Variants in CLASRP observed in about 807,000 individuals in gnomAD.
The protein encoded by CLASRP is CLK4 associating serine/arginine rich protein.
CLASRP carries 52 observed loss-of-function variants against 99.9 expected under a neutral mutation model. The ratio of observed to expected loss-of-function variants is 0.52; its 90% CI spans 0.42 to 0.66. The LOEUF is 0.66. Ranked by LOEUF, CLASRP falls within the 30% of genes least tolerant of loss-of-function variation. The pLI is 0.00. For synonymous variants in CLASRP, 379 were observed against 373.0 expected, an observed-to-expected ratio of 1.02 and a Z score of -0.18; for missense variants, 848 against 999.2, an observed-to-expected ratio of 0.85 and a Z score of 2.04.
chr19:45,062,071 C>T (rs1440805318), intron 10 of CLASRP, 83 bp from the exon 11 acceptor site: 1 of 869,802 alleles, frequency 1.1e-6, no homozygotes, highest in African/African-American at 1.6e-5. Context: ...GCTTTGGGTC[C>T]TCAGGTTGGC....
intron 2 of CLASRP, among the ~76,000 whole-genome samples, chr19:45,042,259 G>A (rs1971826547): frequency 6.6e-6 from 1 of 152,170 alleles, no homozygotes; most frequent in South Asian, 2.1e-4. Flanking sequence ...GAGGTGCTCT[G>A]AGCAATGAAG....
At chr19:45,043,945 G>T (rs1346662996) in intron 2 of CLASRP, among the ~76,000 whole-genome samples, 12 of 151,824 alleles carry the variant, frequency 7.9e-5, no homozygotes, top group Admixed American at 7.2e-4. Flanking sequence ...GCAGTGGCAC[G>T]ATCTCGGCTC....
chr19:45,054,950 G>C (rs1358943742), intron 5 of CLASRP, among the ~76,000 whole-genome samples: 1 of 152,142 alleles, frequency 6.6e-6, no homozygotes, highest in Non-Finnish European at 1.5e-5. Context: ...TAAAATCAGA[G>C]GCTGCCAAAA....
rs1972036608 is a variant in CLASRP, at chr19:45,052,178, A to T, written c.197+10A>T. 2.5e-6 allele frequency: 4 copies of T among 1,611,182 alleles called. No homozygotes were observed. In the East Asian group the frequency reaches 8.9e-5, roughly 36 times the overall value. On this transcript the variant is annotated intron_variant, in intron 3 of 20. Coordinates refer to ENST00000221455, the MANE Select transcript of CLASRP (RefSeq NM_007056.3). ...AGAGCCCTGTTAATATGTAAGACTG[A>T]TATGGAAGGCAGGGGAGTGTCTGAA...
chr19:45,063,976 G>T (rs745836255), intron 11 of CLASRP, 36 bp from the exon 12 acceptor site: 2 of 1,569,698 alleles, frequency 1.3e-6, no homozygotes, highest in Admixed American at 1.9e-5. Flanking sequence ...GGCTCCGGGA[G>T]CCTGAGCTAG....
intron 2 of CLASRP, among the ~76,000 whole-genome samples, chr19:45,041,923 C>T (rs1971820957): frequency 1.3e-5 from 2 of 152,252 alleles, no homozygotes; most frequent in Admixed American, 6.5e-5. Context: ...TGGTTAACTA[C>T]TGCTTATCTG....
In CLASRP at chr19:45,064,325, T is replaced by A; in HGVS notation, c.1122-18T>A. 1 of 1,518,096 alleles carries A rather than the reference T, an allele frequency of 6.6e-7. No individual in the cohort carries two copies. 94.0% of individuals were successfully genotyped at this position (1,518,096 alleles called of 1,614,324 possible). Reference sequence around the variant, plus strand: ...GGCTCAGGCCTGCGCTGACCGGCCCTCCGTGCCCCGCCTGCAGCCGCCGCT... The same window carrying A: ...GGCTCAGGCCTGCGCTGACCGGCCCACCGTGCCCCGCCTGCAGCCGCCGCT... On this transcript the variant is annotated intron_variant, in intron 12 of 20. Transcript: ENST00000221455.
Position 45,069,254 on chromosome 19 carries a change from A to T in CLASRP, c.1874+6A>T, listed in dbSNP as rs974212695. 6 of 1,612,650 alleles carry T rather than the reference A, an allele frequency of 3.7e-6. No individual in the cohort carries two copies. The African/African-American group carries it at 4.0e-5, about 11-fold the overall frequency. On this transcript the variant is annotated splice_donor_region_variant and intron_variant, in intron 18 of 20. Coordinates refer to ENST00000221455, the MANE Select transcript of CLASRP (RefSeq NM_007056.3). ...GCCCGCAAGATCCGCATGAAGTAAG[A>T]CCTTGCCCCTCCCTGTCCCATGGCC...
rs1370503167 is a variant in CLASRP, at chr19:45,064,151, T to A, written c.1045T>A (p.Ser349Thr). The A allele has an allele frequency of 1.2e-6, 2 of 1,611,162 alleles. No homozygotes were observed. The highest frequency in any genetic ancestry group is 1.3e-5 in the African/African-American group (1 of 74,852). Residue 349 changes from serine to threonine, a missense_variant, in exon 12 of 21, where the codon TCA becomes ACA. Ser to Thr is a moderately conservative substitution (Grantham distance 58). Transcript: ENST00000221455. ...AAAAAAAAAA[S>T]GVTTGKPPAP... ...CGCAGCCGCTGCTGCCGCAGCAGCATCAGGAGTCACCACAGGGAAGCCCCC... is the reference window on the plus strand; with the variant it reads ...CGCAGCCGCTGCTGCCGCAGCAGCAACAGGAGTCACCACAGGGAAGCCCCC...
At chr19:45,063,434 A>ATTTTTTTTTTTTTTT (rs1600110419) in intron 11 of CLASRP, among the ~76,000 whole-genome samples, 2 of 54,958 alleles carry the variant, frequency 3.6e-5, no homozygotes, top group Non-Finnish European at 8.0e-5. Context: ...AGATCTGCTT[A>ATTTTTTTTTTTTTTT]TCTTTTTTTT....
Position 45,056,459 on chromosome 19 carries a change from A to T in CLASRP, c.389A>T (p.Glu130Val), listed in dbSNP as rs753949938. The change falls in exon 6 of 21, where the codon GAG becomes GTG. Residue 130 changes from glutamate to valine, a missense_variant. By Grantham distance (121) the Glu-to-Val change is moderately radical. Coordinates refer to ENST00000221455, the MANE Select transcript of CLASRP (RefSeq NM_007056.3). Reference protein sequence around the residue: ...VQNDFAGISEEQCLYQIYIDE... With the variant: ...VQNDFAGISEVQCLYQIYIDE... ...CTCTTGTTTGCTGCAGTCTCAGAGG[A>T]GCAGTGCCTGTACCAGATCTACATT... 1.2e-6 allele frequency: 2 copies of T among 1,613,986 alleles called. No individual in the cohort carries two copies. The highest frequency in any genetic ancestry group is 4.5e-5 in the East Asian group (2 of 44,872).
In CLASRP at chr19:45,066,487, G is replaced by A. The variant is rs370008480; in HGVS notation, c.1410-850G>A. On this transcript the variant is annotated intron_variant, in intron 13 of 20. Transcript: ENST00000221455. ...GCAATTCAAAAATTAGCCGGGTGTG[G>A]TTGTGCACATCTGTAATCCCAGCTA... Among the ~76,000 whole-genome samples the A allele has an allele frequency of 6.6e-5, 10 of 151,716 alleles. No individual in the cohort carries two copies. In the East Asian group the frequency reaches 1.8e-3, roughly 27 times the overall value.
chr19:45,068,298 C>T, intron 15 of CLASRP, 122 bp from the exon 16 acceptor site: 4 of 671,758 alleles, frequency 6.0e-6, no homozygotes, highest in Middle Eastern at 4.0e-4. Flanking sequence ...TGCCCCTCCT[C>T]CCCACGTCGT....
At chr19:45,042,476 G>A (rs1269106764) in intron 2 of CLASRP, among the ~76,000 whole-genome samples, 4 of 151,134 alleles carry the variant, frequency 2.6e-5, no homozygotes, top group Non-Finnish European at 5.9e-5. Context: ...CTCCAGCCTG[G>A]GCAACAGAGT....
chr19:45,042,037 A>C (rs1971822303), intron 2 of CLASRP, among the ~76,000 whole-genome samples: 1 of 152,164 alleles, frequency 6.6e-6, no homozygotes, highest in African/African-American at 2.4e-5. Flanking sequence ...GTGGAATTTA[A>C]CACACTTAAG....
chr19:45,044,588 A>AC (rs538689703), intron 2 of CLASRP, among the ~76,000 whole-genome samples: 4 of 152,056 alleles, frequency 2.6e-5, no homozygotes, highest in Non-Finnish European at 2.9e-5. Context: ...GCATAGCAAG[A>AC]CCCCATCTCT....
chr19:45,043,226 T>C (rs1425153691), intron 2 of CLASRP, among the ~76,000 whole-genome samples: 2 of 150,726 alleles, frequency 1.3e-5, no homozygotes, highest in Non-Finnish European at 3.0e-5. Flanking sequence ...TGTGTGTGTG[T>C]GTGTGTGTGT....
chr19:45,039,971 G>C (rs1261624143), intron 1 of CLASRP: 2 of 401,792 alleles, frequency 5.0e-6, no homozygotes, highest in Non-Finnish European at 9.4e-6. Context: ...AGAATCACCT[G>C]AGGGTTTTTC....
chr19:45,052,294 G>T (rs1404748758), intron 3 of CLASRP, 126 bp downstream of exon 3: 9 of 733,440 alleles, frequency 1.2e-5, no homozygotes, highest in Non-Finnish European at 1.9e-5. Context: ...AGGCAGGGAA[G>T]GTGTGACCCG....
Sources: allele counts gnomAD v4.1 joint callset (sites outside exome capture counted in the v4.1 genomes callset), GRCh38; gene constraint gnomAD v4.1.1; transcripts MANE v1.5; gene names NCBI Gene and HGNC (gene_info 2026-07-23, HGNC 2026-07-21).